The following MEI4 variants were observed in gnomAD, a reference collection of about 807,000 sequenced individuals.
The protein encoded by MEI4 is meiosis-specific protein MEI4.
In MEI4, 27 loss-of-function variants were observed where a neutral mutation model predicts 31.4. That is an observed-to-expected ratio of 0.86 (90% CI 0.63 to 1.19). The LOEUF (loss-of-function observed/expected upper bound fraction) is 1.19, where lower values mean the gene tolerates loss of function less well. MEI4 is among the 50% of genes most tolerant of loss of function. The probability of loss-of-function intolerance (pLI) is 0.00; values close to 1 mark genes in which losing one functional copy is unlikely to be tolerated. For synonymous variants in MEI4, 122 were observed against 145.4 expected (o/e 0.84, Z 1.16); for missense variants, 329 against 398.9 (o/e 0.82, Z 1.49).
At chr6:77,842,439 C>G (rs147649625) in intron 4 of MEI4, among the ~76,000 whole-genome samples, 1 of 150,978 alleles carries the variant, frequency 6.6e-6, no homozygotes, top group East Asian at 1.9e-4. Flanking sequence ...TTATGCTTGT[C>G]ATTGAAGGGA....
chr6:77,728,500 T>C (rs532299753), intron 2 of MEI4, among the ~76,000 whole-genome samples: 4 of 152,330 alleles, frequency 2.6e-5, no homozygotes, highest in African/African-American at 9.6e-5. Flanking sequence ...ACAAAAGTAA[T>C]ACAATTTATA....
chr6:77,797,831 C>G (rs114825120), intron 3 of MEI4, among the ~76,000 whole-genome samples: 1,565 of 152,220 alleles, frequency 0.01, 26 homozygotes, highest in African/African-American at 0.035. Context: ...TCCACTGACT[C>G]AAATGTTAAT....
intron 2 of MEI4, among the ~76,000 whole-genome samples, chr6:77,710,353 C>T (rs938932836): frequency 1.3e-5 from 2 of 151,824 alleles, no homozygotes; most frequent in African/African-American, 4.8e-5. Flanking sequence ...GAAACCCCGT[C>T]TCTACTAAGA....
intron 4 of MEI4, among the ~76,000 whole-genome samples, chr6:77,912,813 G>T (rs1489986986): frequency 6.6e-6 from 1 of 151,964 alleles, no homozygotes; most frequent in Non-Finnish European, 1.5e-5. Flanking sequence ...TTGCCTAATT[G>T]CTCTGGTTAG....
intron 2 of MEI4, among the ~76,000 whole-genome samples, chr6:77,711,245 T>C (rs1766458274): frequency 6.6e-6 from 1 of 152,176 alleles, no homozygotes; most frequent in Non-Finnish European, 1.5e-5. Context: ...TGAATAGTCT[T>C]ACCACAGAAA....
intron 4 of MEI4, among the ~76,000 whole-genome samples, chr6:77,912,269 A>T (rs1766450405): frequency 6.6e-6 from 1 of 152,084 alleles, no homozygotes; most frequent in South Asian, 2.1e-4. Flanking sequence ...TGATCCCTCT[A>T]GCTTTGCTCT....
chr6:77,685,180 C>G (rs967719372), intron 1 of MEI4, among the ~76,000 whole-genome samples: 1 of 152,102 alleles, frequency 6.6e-6, no homozygotes, highest in South Asian at 2.1e-4. Context: ...AAATCTTTTG[C>G]CCATGTTTTC....
intron 1 of MEI4, among the ~76,000 whole-genome samples, chr6:77,672,549 GT>G (rs888061738): frequency 6.6e-6 from 1 of 151,762 alleles, no homozygotes; most frequent in African/African-American, 2.4e-5. Context: ...TTATTATTTT[GT>G]TTTTTTTGAG....
rs114854268 is a variant in MEI4, at chr6:77,702,231, C to T, written c.232+11328C>T. Among the ~76,000 whole-genome samples the T allele has an allele frequency of 9.1e-3, 1,387 of 152,260 alleles. 23 individuals carry two copies. The highest frequency in any genetic ancestry group is 0.032 in the African/African-American group (1,327 of 41,542). On this transcript the variant is annotated intron_variant, in intron 2 of 4. Coordinates refer to ENST00000684080, the MANE Select transcript of MEI4 (RefSeq NM_001322247.2). ...GTCCTTCTCACCCTGTTCCAGACGA[C>T]GTACTGAGGAAACATTGCAAATAAC...
chr6:77,841,514 G>T (rs971213099), intron 4 of MEI4, among the ~76,000 whole-genome samples: 1 of 150,528 alleles, frequency 6.6e-6, no homozygotes. Flanking sequence ...TAATTTTTCT[G>T]TATTTTTAGT....
At chr6:77,887,850 G>A (rs891200369) in intron 4 of MEI4, among the ~76,000 whole-genome samples, 1 of 152,148 alleles carries the variant, frequency 6.6e-6, no homozygotes, top group Non-Finnish European at 1.5e-5. Context: ...ATGACCTAAT[G>A]CTAGGAAGGG....
At position 77,787,831 on chromosome 6, in the gene MEI4, A is replaced by G. The variant is rs542571541; in HGVS notation, c.768+26166A>G. On this transcript the variant is annotated intron_variant, in intron 3 of 4. Coordinates refer to ENST00000684080, the MANE Select transcript of MEI4 (RefSeq NM_001322247.2). ...TGAAATTAGAAAAATAATGAACAAA[A>G]TTAGAAGTCAAATAAAGAAATAGAA... 2.0e-4 allele frequency among the ~76,000 whole-genome samples: 31 copies of G among 152,320 alleles called. 1 individual carries two copies. In the South Asian group the frequency reaches 6.4e-3, roughly 32 times the overall value.
At chr6:77,768,075 A>G (rs1582121600) in intron 3 of MEI4, among the ~76,000 whole-genome samples, 1 of 152,182 alleles carries the variant, frequency 6.6e-6, no homozygotes, top group East Asian at 1.9e-4. Context: ...TGTTATTACT[A>G]TCTTCAGTTT....
rs191334741 is a variant in MEI4, at chr6:77,675,440, T to C, written c.-14-15218T>C. Among the ~76,000 whole-genome samples the C allele has an allele frequency of 9.9e-4, 151 of 152,230 alleles. 1 individual carries two copies. The highest frequency in any genetic ancestry group is 8.2e-3 in the Admixed American group (125 of 15,280). On this transcript the variant is annotated intron_variant, in intron 1 of 4. Transcript: ENST00000684080. ...GGTTTAATGTGCTATATGTGTCTAG[T>C]TTAAGAAGTCTTCTATACTGAGTGA...
chr6:77,718,995 TAG>T (rs1190786483), intron 2 of MEI4, among the ~76,000 whole-genome samples: 1 of 132,788 alleles, frequency 7.5e-6, no homozygotes, highest in East Asian at 2.2e-4. Flanking sequence ...GGTCTTGGGG[TAG>T]AGATTCCTTT....
chr6:77,923,515 T>TGAGTCATATTTCTATAC lies in MEI4; in HGVS notation c.*170_*186dup. 1 of 578,422 alleles carries TGAGTCATATTTCTATAC rather than the reference T, an allele frequency of 1.7e-6. No homozygotes were observed. Among genetic ancestry groups the TGAGTCATATTTCTATAC allele is most frequent in the Non-Finnish European group, 2.5e-6 (1 of 398,880 alleles). 35.8% of individuals were successfully genotyped at this position (578,422 alleles called of 1,614,324 possible). Reference sequence around the variant, plus strand: ...TAGTCTTAAATTGTATGAAATTTTATGAGTCATATTTCTATACTAAAATCA... The same window carrying TGAGTCATATTTCTATAC: ...TAGTCTTAAATTGTATGAAATTTTATGAGTCATATTTCTATACGAGTCATATTTCTATACTAAAATCA... On this transcript the variant is annotated 3_prime_UTR_variant, in exon 5 of 5. Transcript: ENST00000684080.
chr6:77,911,700 T>C (rs1382834143), intron 4 of MEI4, among the ~76,000 whole-genome samples: 2 of 148,558 alleles, frequency 1.3e-5, no homozygotes, highest in Non-Finnish European at 3.0e-5. Flanking sequence ...GCATATATTA[T>C]GTATATAATA....
intron 3 of MEI4, among the ~76,000 whole-genome samples, chr6:77,815,980 T>G (rs918476200): frequency 6.6e-6 from 1 of 152,176 alleles, no homozygotes; most frequent in African/African-American, 2.4e-5. Context: ...GAGCCAATTT[T>G]TTCTCAAAAA....
intron 3 of MEI4, among the ~76,000 whole-genome samples, chr6:77,812,128 T>C (rs1769587767): frequency 6.6e-6 from 1 of 152,156 alleles, no homozygotes; most frequent in Non-Finnish European, 1.5e-5. Context: ...CTTGTAACTT[T>C]TTTTTGGTTT....
Sources: allele counts gnomAD v4.1 joint callset (sites outside exome capture counted in the v4.1 genomes callset), GRCh38; gene constraint gnomAD v4.1.1; transcripts MANE v1.5; gene names NCBI Gene and HGNC (gene_info 2026-07-23, HGNC 2026-07-21).